MICAL2: variants seen among roughly 807,000 people sequenced by gnomAD.
MICAL2 encodes the protein [F-actin]-monooxygenase MICAL2.
Under a neutral mutation model 127.3 loss-of-function variants are expected in MICAL2, and 77 were observed. The ratio of observed to expected loss-of-function variants is 0.60; its 90% CI spans 0.50 to 0.73. MICAL2 has a LOEUF of 0.73. Among genes scored for constraint, MICAL2 ranks in the 30% least tolerant of loss-of-function variants. MICAL2 has a pLI of 0.00. For synonymous variants in MICAL2, 570 were observed against 551.1 expected (o/e 1.03, Z -0.48); for missense variants, 1,351 against 1,434.4 (o/e 0.94, Z 0.94).
intron 25 of MICAL2, among the ~76,000 whole-genome samples, 173 bp downstream of exon 25, chr11:12,258,729 C>G (rs974248541): frequency 1.3e-5 from 2 of 152,232 alleles, no homozygotes; most frequent in Non-Finnish European, 2.9e-5. Flanking sequence ...TCAGTCTGTT[C>G]CACAGCCTCT....
chr11:12,351,898 C>T (rs1419046386), intron 33 of MICAL2, among the ~76,000 whole-genome samples: 6 of 151,434 alleles, frequency 4.0e-5, no homozygotes. Flanking sequence ...TCAAGTGATT[C>T]TTCTGCCTCA....
At chr11:12,343,757 G>A (rs1047243037) in intron 32 of MICAL2, among the ~76,000 whole-genome samples, 8 of 152,188 alleles carry the variant, frequency 5.3e-5, no homozygotes, top group African/African-American at 1.7e-4. Context: ...GCATGTGGCA[G>A]ATGGTATAAT....
At chr11:12,284,120 G>C (rs1863798908) in intron 2 of MICAL2, among the ~76,000 whole-genome samples, 1 of 152,202 alleles carries the variant, frequency 6.6e-6, no homozygotes, top group Non-Finnish European at 1.5e-5. Context: ...GCAACTAAAT[G>C]AATCGATCTA....
upstream of MICAL2, among the ~76,000 whole-genome samples, chr11:12,275,603 G>C (rs1337373524): frequency 6.6e-6 from 1 of 152,198 alleles, no homozygotes; most frequent in South Asian, 2.1e-4. Context: ...GTCAAATGCT[G>C]CTGGTGTGTA....
intron 31 of MICAL2, among the ~76,000 whole-genome samples, chr11:12,326,626 A>C (rs1335858032): frequency 2.6e-5 from 4 of 152,250 alleles, no homozygotes; most frequent in Admixed American, 2.0e-4. Flanking sequence ...ATGAAAGAAC[A>C]GGTACAATTT....
At chr11:12,211,335 C>T (rs903916590) in intron 6 of MICAL2, among the ~76,000 whole-genome samples, 3 of 152,058 alleles carry the variant, frequency 2.0e-5, no homozygotes, top group East Asian at 1.9e-4. Flanking sequence ...GAGCCAAGAT[C>T]GCACCACTGC....
At chr11:12,225,070 T>A (rs183216293) in intron 13 of MICAL2, among the ~76,000 whole-genome samples, 77 of 144,026 alleles carry the variant, frequency 5.3e-4, no homozygotes, top group African/African-American at 1.9e-3. Context: ...CACCCCCCAC[T>A]ACCCTTCCCC....
At chr11:12,173,981 C>T (rs1444165383) in intron 3 of MICAL2, among the ~76,000 whole-genome samples, 4 of 152,052 alleles carry the variant, frequency 2.6e-5, no homozygotes, top group Non-Finnish European at 5.9e-5. Context: ...TACATTTTTT[C>T]GTACTGAGTT....
chr11:12,330,860 GTAGAGAGA>G (rs1864413948), intron 32 of MICAL2, among the ~76,000 whole-genome samples: 2 of 87,774 alleles, frequency 2.3e-5, no homozygotes, highest in Admixed American at 2.1e-4. Flanking sequence ...AGAGAGAGGG[GTAGAGAGA>G]GAGAGAGAGA....
At chr11:12,240,659 C>T (rs1859782531) in intron 17 of MICAL2, among the ~76,000 whole-genome samples, 1 of 152,224 alleles carries the variant, frequency 6.6e-6, no homozygotes, top group Admixed American at 6.5e-5. Context: ...GCGTCCCTGT[C>T]CTTGAGTGGG....
chr11:12,175,948 C>G (rs1256553614), intron 3 of MICAL2, among the ~76,000 whole-genome samples: 1 of 152,136 alleles, frequency 6.6e-6, no homozygotes, highest in East Asian at 1.9e-4. Context: ...TGGGCTTTTA[C>G]TCTGCATGAG....
chr11:12,287,385 C>T (rs567502643), downstream of MICAL2: 4 of 359,428 alleles, frequency 1.1e-5, no homozygotes, highest in Non-Finnish European at 2.0e-5. Context: ...CCCTCCACCC[C>T]ACCCCTGGCT....
At chr11:12,282,368 C>A (rs1236862967) in intron 2 of MICAL2, among the ~76,000 whole-genome samples, 5 of 152,158 alleles carry the variant, frequency 3.3e-5, no homozygotes, top group Admixed American at 3.3e-4. Flanking sequence ...ACCCTTCCAT[C>A]CCCCTGGGCT....
chr11:12,147,744 C>A (rs1345030980), intron 2 of MICAL2, among the ~76,000 whole-genome samples: 1 of 152,206 alleles, frequency 6.6e-6, no homozygotes, highest in African/African-American at 2.4e-5. Flanking sequence ...AGGCCCCAGT[C>A]ACAATATAGG....
intron 24 of MICAL2, 101 bp downstream of exon 24, chr11:12,257,072 A>G (rs1476442185): frequency 2.4e-6 from 3 of 1,254,964 alleles, no homozygotes; most frequent in Admixed American, 5.1e-5. Context: ...ACACCCAAAC[A>G]TACCCAAAAG....
At chr11:12,308,846 A>C (rs970449309) in intron 29 of MICAL2, among the ~76,000 whole-genome samples, 12 of 152,198 alleles carry the variant, frequency 7.9e-5, no homozygotes, top group Non-Finnish European at 1.5e-4. Flanking sequence ...ATTGAGTATA[A>C]TGTTTGCTGC....
At chr11:12,279,131 C>A (rs1383857943) in intron 1 of MICAL2, among the ~76,000 whole-genome samples, 1 of 152,090 alleles carries the variant, frequency 6.6e-6, no homozygotes. Flanking sequence ...CACTGGGGAG[C>A]AAAGGAACCA....
chr11:12,260,412 G>C, intron 26 of MICAL2: 1 of 1,240,252 alleles, frequency 8.1e-7, no homozygotes, highest in South Asian at 3.7e-5. Flanking sequence ...CCATACTTCT[G>C]GGTTTACATT....
intron 22 of MICAL2, chr11:12,253,583 C>A (rs1861864958): frequency 6.6e-6 from 1 of 152,224 alleles, no homozygotes; most frequent in Non-Finnish European, 1.5e-5. Context: ...GGATGTTTCT[C>A]CCCACCAACA....
Sources: gnomAD v4.1 joint callset for allele counts (sites outside exome capture counted in the v4.1 genomes callset) on GRCh38, gnomAD v4.1.1 for gene constraint, MANE v1.5 for transcripts, NCBI Gene and HGNC (gene_info 2026-07-23, HGNC 2026-07-21) for gene names.